The following CHRNA7 variants were observed in gnomAD, a reference collection of about 807,000 sequenced individuals.
CHRNA7 encodes the protein neuronal acetylcholine receptor subunit alpha-7.
CHRNA7 carries 17 observed loss-of-function variants against 48.0 expected under a neutral mutation model. The ratio of observed to expected loss-of-function variants is 0.35; its 90% CI spans 0.24 to 0.53. The LOEUF is 0.53. Ranked by LOEUF, CHRNA7 falls within the 20% of genes least tolerant of loss-of-function variation. CHRNA7 has a pLI of 0.92. For missense variants in CHRNA7, 155 were observed against 577.7 expected, an observed-to-expected ratio of 0.27 and a Z score of 7.50; for synonymous variants, 75 against 242.3, an observed-to-expected ratio of 0.31 and a Z score of 6.41.
intron 2 of CHRNA7, among the ~76,000 whole-genome samples, chr15:32,091,403 G>GT (rs2141246325): frequency 6.6e-6 from 1 of 152,190 alleles, no homozygotes; most frequent in East Asian, 1.9e-4. Context: ...CATTGCGTCT[G>GT]TCTGGGTCCT....
rs553252327 is a variant in CHRNA7, at chr15:32,120,490, C to A, written c.350+8591C>A. 4.6e-5 allele frequency among the ~76,000 whole-genome samples: 7 copies of A among 152,020 alleles called. No individual in the cohort carries two copies. The South Asian group carries it at 1.5e-3, about 32-fold the overall frequency. On this transcript the variant is annotated intron_variant, in intron 4 of 9. Transcript: ENST00000306901. The stretch of plus-strand genomic sequence containing the variant: ...TTTACTGTCGCCTCTTGACTGATTT[C>A]ACTCAGCATCTGACATTTTCTTTTC...
chr15:32,123,964 C>CA (rs57791060), intron 4 of CHRNA7, among the ~76,000 whole-genome samples: 6,369 of 46,524 alleles, frequency 0.14, 685 homozygotes, highest in African/African-American at 0.34. Context: ...AAAATCTGGC[C>CA]AAAAAAAAAA....
At chr15:32,144,932 T>G (rs1435648850) in intron 4 of CHRNA7, among the ~76,000 whole-genome samples, 2 of 152,222 alleles carry the variant, frequency 1.3e-5, no homozygotes, top group Non-Finnish European at 2.9e-5. Flanking sequence ...CTCGTCAAAG[T>G]CATTCTCCAT....
At chr15:32,048,291 A>C (rs1348867276) in intron 2 of CHRNA7, among the ~76,000 whole-genome samples, 1 of 152,142 alleles carries the variant, frequency 6.6e-6, no homozygotes, top group African/African-American at 2.4e-5. Context: ...CTGTGAATCC[A>C]TCTGGTCCTG....
At chr15:32,068,596 G>A (rs767766526) in intron 2 of CHRNA7, among the ~76,000 whole-genome samples, 10 of 152,056 alleles carry the variant, frequency 6.6e-5, no homozygotes, top group African/African-American at 1.9e-4. Context: ...GGTGGTGGGC[G>A]CCTGTAATCC....
chr15:32,085,250 A>T (rs1369225102), intron 2 of CHRNA7, among the ~76,000 whole-genome samples: 1 of 152,208 alleles, frequency 6.6e-6, no homozygotes, highest in Non-Finnish European at 1.5e-5. Flanking sequence ...GAGATAATTT[A>T]TAAAAATATC....
At chr15:32,105,762 A>G (rs2050659148) in intron 3 of CHRNA7, among the ~76,000 whole-genome samples, 1 of 152,190 alleles carries the variant, frequency 6.6e-6, no homozygotes, top group African/African-American at 2.4e-5. Context: ...AACATGCTGG[A>G]TTCCCTTAGA....
chr15:32,044,051 AC>A (rs1349208054), intron 2 of CHRNA7, among the ~76,000 whole-genome samples: 11 of 152,208 alleles, frequency 7.2e-5, no homozygotes, highest in African/African-American at 2.6e-4. Flanking sequence ...TGTATGCCTT[AC>A]TGTTGCTTCT....
chr15:32,048,305 T>A (rs548240650), intron 2 of CHRNA7, among the ~76,000 whole-genome samples: 1 of 152,178 alleles, frequency 6.6e-6, no homozygotes, highest in African/African-American at 2.4e-5. Flanking sequence ...GGTCCTGGAC[T>A]CTTTCTGGTT....
chr15:32,151,351 A>G (rs1002477038), intron 4 of CHRNA7, among the ~76,000 whole-genome samples: 8 of 152,166 alleles, frequency 5.3e-5, no homozygotes, highest in Admixed American at 1.3e-4. Context: ...GGTTTAATCT[A>G]AAAGTGTATT....
chr15:32,151,598 T>G (rs1357169755), intron 4 of CHRNA7, among the ~76,000 whole-genome samples: 1 of 152,198 alleles, frequency 6.6e-6, no homozygotes. Flanking sequence ...CTACGCTGTC[T>G]TCTTTCTGTG....
intron 4 of CHRNA7, among the ~76,000 whole-genome samples, chr15:32,135,785 C>G (rs910103312): frequency 3.9e-4 from 59 of 151,926 alleles, no homozygotes; most frequent in African/African-American, 1.4e-3. Context: ...AAAAAAGCTG[C>G]AGGAATGTCC....
At chr15:32,074,213 T>C (rs1310068405) in intron 2 of CHRNA7, among the ~76,000 whole-genome samples, 3 of 151,340 alleles carry the variant, frequency 2.0e-5, no homozygotes, top group East Asian at 4.0e-4. Flanking sequence ...TTGTTTTGTT[T>C]TTGTGGATTC....
At chr15:32,069,200 T>C (rs964554911) in intron 2 of CHRNA7, among the ~76,000 whole-genome samples, 8 of 152,184 alleles carry the variant, frequency 5.3e-5, no homozygotes, top group African/African-American at 1.9e-4. Context: ...TGAGATAATA[T>C]ATGAAATAAT....
intron 2 of CHRNA7, among the ~76,000 whole-genome samples, chr15:32,095,363 T>G (rs2050451039): frequency 6.6e-6 from 1 of 152,246 alleles, no homozygotes; most frequent in African/African-American, 2.4e-5. Flanking sequence ...TGATTATATC[T>G]ATCAATATTT....
chr15:32,110,416 A>G (rs1042616178), intron 3 of CHRNA7, among the ~76,000 whole-genome samples: 1 of 152,238 alleles, frequency 6.6e-6, no homozygotes, highest in East Asian at 1.9e-4. Flanking sequence ...AATGCCCCAG[A>G]GGATACTTCT....
chr15:32,065,338 T>G (rs768451487), intron 2 of CHRNA7, among the ~76,000 whole-genome samples: 1 of 152,198 alleles, frequency 6.6e-6, no homozygotes, highest in Non-Finnish European at 1.5e-5. Context: ...TGGAGAATTG[T>G]CAGTATTTGG....
At chr15:32,106,048 C>T (rs1372805969) in intron 3 of CHRNA7, among the ~76,000 whole-genome samples, 2 of 152,178 alleles carry the variant, frequency 1.3e-5, no homozygotes, top group African/African-American at 4.8e-5. Flanking sequence ...TTGGATGCTG[C>T]CCAGAGGCCA....
At chr15:32,032,814 G>A (rs150926641) in intron 2 of CHRNA7, among the ~76,000 whole-genome samples, 61 of 152,242 alleles carry the variant, frequency 4.0e-4, no homozygotes, top group African/African-American at 1.4e-3. Flanking sequence ...CAAAGGCTGC[G>A]GCAGCACCTT....
Sources: allele counts gnomAD v4.1 joint callset (sites outside exome capture counted in the v4.1 genomes callset), GRCh38; gene constraint gnomAD v4.1.1; transcripts MANE v1.5; gene names NCBI Gene and HGNC (gene_info 2026-07-23, HGNC 2026-07-21).